The following PXDNL variants were observed in gnomAD, a reference collection of about 807,000 sequenced individuals.
The protein encoded by PXDNL is peroxidasin like.
PXDNL carries 145 observed loss-of-function variants against 150.8 expected under a neutral mutation model. The ratio of observed to expected loss-of-function variants is 0.96; its 90% CI spans 0.84 to 1.10. PXDNL has a LOEUF of 1.10. PXDNL is among the 50% of genes least tolerant of loss of function. The pLI is 0.00. For missense variants in PXDNL, 2,087 were observed against 1,873.9 expected (o/e 1.11, Z -2.10); for synonymous variants, 757 against 725.7 (o/e 1.04, Z -0.69).
chr8:51,373,490 A>G (rs1807192975), intron 18 of PXDNL, among the ~76,000 whole-genome samples: 1 of 152,206 alleles, frequency 6.6e-6, no homozygotes, highest in Non-Finnish European at 1.5e-5. Flanking sequence ...ATATTTTTAA[A>G]CTATTGCCAA....
intron 19 of PXDNL, among the ~76,000 whole-genome samples, chr8:51,368,601 A>T (rs2130774208): frequency 6.6e-6 from 1 of 152,314 alleles, no homozygotes; most frequent in South Asian, 2.1e-4. Context: ...CAATTTAATC[A>T]TACATTTCAT....
chr8:51,531,407 C>T (rs534654846), intron 4 of PXDNL, among the ~76,000 whole-genome samples: 13 of 152,238 alleles, frequency 8.5e-5, no homozygotes, highest in African/African-American at 1.9e-4. Flanking sequence ...ATACTGAAGC[C>T]GGGGAGTGGA....
chr8:51,748,009 A>G (rs1344125766), intron 1 of PXDNL, among the ~76,000 whole-genome samples: 2 of 152,172 alleles, frequency 1.3e-5, no homozygotes, highest in Non-Finnish European at 2.9e-5. Flanking sequence ...CAGTACCTCT[A>G]TAAGTATCTG....
intron 6 of PXDNL, among the ~76,000 whole-genome samples, chr8:51,480,699 G>A (rs1810581138): frequency 1.3e-5 from 2 of 152,146 alleles, no homozygotes; most frequent in African/African-American, 4.8e-5. Context: ...GAATCATGGG[G>A]GTGGTTTCCC....
intron 4 of PXDNL, among the ~76,000 whole-genome samples, chr8:51,520,716 G>C (rs1010851539): frequency 1.3e-5 from 2 of 152,024 alleles, no homozygotes; most frequent in Non-Finnish European, 2.9e-5. Context: ...ACATTGCCCA[G>C]CTCCTGCAGA....
chr8:51,800,674 T>G (rs2037609116), intron 1 of PXDNL, among the ~76,000 whole-genome samples: 1 of 152,232 alleles, frequency 6.6e-6, no homozygotes, highest in Non-Finnish European at 1.5e-5. Flanking sequence ...AAATTAATAC[T>G]TTCATAATTT....
intron 4 of PXDNL, among the ~76,000 whole-genome samples, chr8:51,518,861 G>A (rs1183749975): frequency 2.6e-5 from 4 of 152,134 alleles, no homozygotes; most frequent in African/African-American, 4.8e-5. Flanking sequence ...AACCTGGGAG[G>A]TGATAATTGC....
intron 2 of PXDNL, among the ~76,000 whole-genome samples, chr8:51,623,130 C>G (rs893768918): frequency 1.1e-4 from 16 of 152,180 alleles, no homozygotes; most frequent in African/African-American, 3.9e-4. Context: ...GCCGCACTAC[C>G]CAAAGGGCCT....
At chr8:51,521,851 G>T (rs550933572) in intron 4 of PXDNL, among the ~76,000 whole-genome samples, 48 of 152,212 alleles carry the variant, frequency 3.2e-4, no homozygotes, top group African/African-American at 1.1e-3. Context: ...CAAGCAGAAA[G>T]AAAACAGAGT....
In PXDNL at chr8:51,449,338, G is replaced by C. The variant is rs771264997; in HGVS notation, c.1250-220C>G. Among the ~76,000 whole-genome samples, 9 of 152,342 alleles carry C rather than the reference G, an allele frequency of 5.9e-5. No homozygotes were observed. In the South Asian group the frequency reaches 6.2e-4, roughly 11 times the overall value. On this transcript the variant is annotated intron_variant, in intron 10 of 22. Transcript: ENST00000356297. ...ATCTGGTCTGCAAAGCAAAACAGCAGTAGCCAACAAGAAGAAACCATTTCT... is the reference window on the plus strand; with the variant it reads ...ATCTGGTCTGCAAAGCAAAACAGCACTAGCCAACAAGAAGAAACCATTTCT...
chr8:51,503,471 G>A (rs1041548709), intron 4 of PXDNL, among the ~76,000 whole-genome samples: 1 of 152,160 alleles, frequency 6.6e-6, no homozygotes, highest in Admixed American at 6.5e-5. Context: ...TGATTTATGT[G>A]ATGGCTTTAG....
chr8:51,322,328 GAA>G (rs34244992), intron 21 of PXDNL, among the ~76,000 whole-genome samples: 36 of 148,646 alleles, frequency 2.4e-4, no homozygotes, highest in African/African-American at 8.1e-4. Flanking sequence ...CAGGCAAATG[GAA>G]AAAAAAAAAT....
At chr8:51,763,799 T>C (rs772071121) in intron 1 of PXDNL, among the ~76,000 whole-genome samples, 6 of 152,234 alleles carry the variant, frequency 3.9e-5, no homozygotes, top group Non-Finnish European at 7.3e-5. Flanking sequence ...AAATTATCCA[T>C]GTTGTAGCAT....
chr8:51,357,985 T>A (rs1806569500), intron 19 of PXDNL, among the ~76,000 whole-genome samples: 1 of 151,852 alleles, frequency 6.6e-6, no homozygotes, highest in Admixed American at 6.6e-5. Context: ...AACTAGGGAG[T>A]CTGGGATGGA....
At chr8:51,621,943 C>CA (rs71237221) in intron 2 of PXDNL, among the ~76,000 whole-genome samples, 55,095 of 126,236 alleles carry the variant, frequency 0.44, 14,637 homozygotes, top group Non-Finnish European at 0.6. Flanking sequence ...GACCCTGTCT[C>CA]AAAAAAAAAA....
intron 2 of PXDNL, among the ~76,000 whole-genome samples, chr8:51,621,604 T>G (rs1814255462): frequency 6.6e-6 from 1 of 151,980 alleles, no homozygotes; most frequent in Admixed American, 6.6e-5. Flanking sequence ...TTGAATATAA[T>G]GAGATATCAT....
At chr8:51,728,748 T>C (rs1816865544) in intron 1 of PXDNL, among the ~76,000 whole-genome samples, 1 of 152,120 alleles carries the variant, frequency 6.6e-6, no homozygotes, top group Admixed American at 6.5e-5. Context: ...ATGAAAAACT[T>C]TATAGTAGGC....
chr8:51,643,401 C>T (rs1225146640), intron 2 of PXDNL, among the ~76,000 whole-genome samples: 1 of 152,112 alleles, frequency 6.6e-6, no homozygotes, highest in Non-Finnish European at 1.5e-5. Flanking sequence ...CATCTACAAC[C>T]ATCTGATCTT....
chr8:51,611,938 G>A (rs76966827), intron 2 of PXDNL, among the ~76,000 whole-genome samples: 6,212 of 152,300 alleles, frequency 0.041, 202 homozygotes, highest in African/African-American at 0.085. Flanking sequence ...AGCTCAGAGC[G>A]GGCTATGGGG....
Sources: allele counts gnomAD v4.1 joint callset (sites outside exome capture counted in the v4.1 genomes callset), GRCh38; gene constraint gnomAD v4.1.1; transcripts MANE v1.5; gene names NCBI Gene and HGNC (gene_info 2026-07-23, HGNC 2026-07-21).